Variants in DLG2 observed in about 807,000 individuals in gnomAD.
The protein encoded by DLG2 is discs large MAGUK scaffold protein 2.
A neutral mutation model predicts 132.5 loss-of-function variants in DLG2; 45 were observed. The observed-to-expected ratio is 0.34, with a 90% CI of 0.27 to 0.44. The LOEUF is 0.44. Among genes scored for constraint, DLG2 ranks in the 20% least tolerant of loss-of-function variants. DLG2 has a pLI of 1.00. For synonymous variants in DLG2, 424 were observed against 419.6 expected (o/e 1.01, Z -0.13); for missense variants, 1,045 against 1,196.9 (o/e 0.87, Z 1.87).
intron 6 of DLG2, among the ~76,000 whole-genome samples, chr11:84,966,022 T>C (rs1376059722): frequency 6.6e-6 from 1 of 152,060 alleles, no homozygotes; most frequent in Non-Finnish European, 1.5e-5. Flanking sequence ...AAGATTAGTT[T>C]GCTCATTCAA....
At chr11:85,595,064 CAAAAAAA>C (rs947518185) in intron 3 of DLG2, among the ~76,000 whole-genome samples, 19 of 58,236 alleles carry the variant, frequency 3.3e-4, no homozygotes, top group Non-Finnish European at 5.5e-4. Context: ...GACTCTGTCT[CAAAAAAA>C]AAAAAAAAAA....
At chr11:83,480,312 C>A in intron 22 of DLG2, 1 of 1,320,174 alleles carries the variant, frequency 7.6e-7, no homozygotes, top group Non-Finnish European at 1.1e-6. Context: ...TCTGAAATGA[C>A]CACCACAGGC....
At chr11:84,973,554 A>C (rs1383889361) in intron 6 of DLG2, among the ~76,000 whole-genome samples, 4 of 152,208 alleles carry the variant, frequency 2.6e-5, no homozygotes, top group African/African-American at 9.6e-5. Flanking sequence ...TTTAAAATTA[A>C]AGTGCATTAT....
chr11:84,169,792 G>C (rs2095774196), intron 8 of DLG2, among the ~76,000 whole-genome samples: 1 of 151,790 alleles, frequency 6.6e-6, no homozygotes, highest in African/African-American at 2.4e-5. Flanking sequence ...AGAATCGCTT[G>C]AAGCAGGGAG....
chr11:84,190,483 T>C (rs1361932577), intron 8 of DLG2, among the ~76,000 whole-genome samples: 1 of 152,184 alleles, frequency 6.6e-6, no homozygotes, highest in Non-Finnish European at 1.5e-5. Flanking sequence ...ATGCCATGTG[T>C]TGAAAAGTCA....
chr11:85,095,185 C>T (rs2069517152), intron 6 of DLG2, among the ~76,000 whole-genome samples: 1 of 152,028 alleles, frequency 6.6e-6, no homozygotes, highest in South Asian at 2.1e-4. Context: ...ATCACCGTAA[C>T]AGATATAATA....
intron 7 of DLG2, among the ~76,000 whole-genome samples, chr11:84,459,593 C>T (rs969193006): frequency 6.7e-6 from 1 of 150,254 alleles, no homozygotes. Flanking sequence ...TGGGCTGCCC[C>T]ATAATTTTGC....
intron 6 of DLG2, among the ~76,000 whole-genome samples, chr11:84,712,766 G>A (rs1016460175): frequency 6.6e-6 from 1 of 152,096 alleles, no homozygotes; most frequent in African/African-American, 2.4e-5. Flanking sequence ...AGTCCTGAAA[G>A]GAGGGTGTTA....
At chr11:83,553,501 TGTG>T (rs987624653) in intron 19 of DLG2, among the ~76,000 whole-genome samples, 1 of 149,246 alleles carries the variant, frequency 6.7e-6, no homozygotes, top group African/African-American at 2.5e-5. Flanking sequence ...TGTGTGTGTG[TGTG>T]TGTGTGTGTG....
chr11:84,036,786 T>G (rs2095874511), intron 11 of DLG2, among the ~76,000 whole-genome samples: 1 of 152,156 alleles, frequency 6.6e-6, no homozygotes, highest in Non-Finnish European at 1.5e-5. Flanking sequence ...GATTCCTCAC[T>G]GAGTGGGTCA....
Position 85,454,192 on chromosome 11 carries a change from A to G in DLG2, c.40+144465T>C, listed in dbSNP as rs2092344660. Among the ~76,000 whole-genome samples, 3 of 149,200 alleles carry G rather than the reference A, an allele frequency of 2.0e-5. No homozygotes were observed. The Admixed American group carries it at 2.0e-4, about 10-fold the overall frequency. ...GTATAAGCATTCCCCTTTCTCCTCAACCTCACCATCATCTGTTACTTTTTG... is the reference window on the plus strand; with the variant it reads ...GTATAAGCATTCCCCTTTCTCCTCAGCCTCACCATCATCTGTTACTTTTTG... On this transcript the variant is annotated intron_variant, in intron 3 of 27. Transcript: ENST00000376104.
intron 5 of DLG2, among the ~76,000 whole-genome samples, chr11:85,139,431 C>T (rs2076322173): frequency 1.3e-5 from 2 of 152,030 alleles, no homozygotes; most frequent in Non-Finnish European, 2.9e-5. Flanking sequence ...ATCTGATTTA[C>T]ACTAACAATA....
intron 6 of DLG2, among the ~76,000 whole-genome samples, chr11:85,052,843 A>T (rs1299573341): frequency 1.3e-5 from 2 of 152,146 alleles, no homozygotes; most frequent in Non-Finnish European, 2.9e-5. Flanking sequence ...CTGGCAGGAA[A>T]ATGGAAATTC....
chr11:85,371,710 G>T (rs2084992643), intron 3 of DLG2, among the ~76,000 whole-genome samples: 1 of 152,142 alleles, frequency 6.6e-6, no homozygotes. Context: ...ACAGGGATAG[G>T]AGCTCCAAGT....
At chr11:85,092,332 C>A (rs906975223) in intron 6 of DLG2, among the ~76,000 whole-genome samples, 1 of 151,972 alleles carries the variant, frequency 6.6e-6, no homozygotes, top group African/African-American at 2.4e-5. Context: ...TGTTATAATC[C>A]CAAAAGATAA....
At chr11:85,427,732 A>C (rs752580664) in intron 3 of DLG2, among the ~76,000 whole-genome samples, 5 of 151,610 alleles carry the variant, frequency 3.3e-5, no homozygotes, top group Non-Finnish European at 7.4e-5. Context: ...TGAGCAAAAT[A>C]ACCAGCTGAC....
At position 83,459,552 on chromosome 11, in the gene DLG2, G is replaced by C. The variant is rs1380555655; in HGVS notation, c.*266C>G. Reference sequence around the variant, plus strand: ...AGGCTCTCATCTCATCTCTTGGGCAGAAAGCCCGTCAGAGGTTCATCCCTA... The same window carrying C: ...AGGCTCTCATCTCATCTCTTGGGCACAAAGCCCGTCAGAGGTTCATCCCTA... On this transcript the variant is annotated 3_prime_UTR_variant, in exon 28 of 28. Coordinates refer to ENST00000376104, the MANE Select transcript of DLG2 (RefSeq NM_001142699.3). 1.1e-5 allele frequency: 3 copies of C among 281,514 alleles called. No individual in the cohort carries two copies. The highest frequency in any genetic ancestry group is 1.3e-5 in the Non-Finnish European group (2 of 148,344). The allele number at this position is 281,514 out of a possible 1,614,324, so 17.4% of individuals were successfully genotyped here.
At chr11:85,288,502 T>C (rs1024134805) in intron 3 of DLG2, among the ~76,000 whole-genome samples, 9 of 151,820 alleles carry the variant, frequency 5.9e-5, no homozygotes, top group African/African-American at 2.2e-4. Context: ...CACGTATTAA[T>C]GGAGAGAAAA....
chr11:85,547,764 G>A (rs572293409), intron 3 of DLG2, among the ~76,000 whole-genome samples: 66 of 151,610 alleles, frequency 4.4e-4, no homozygotes, highest in African/African-American at 1.5e-3. Context: ...CCTTTCTTCC[G>A]CTTGATCAAT....
Sources: gnomAD v4.1 joint callset for allele counts (sites outside exome capture counted in the v4.1 genomes callset) on GRCh38, gnomAD v4.1.1 for gene constraint, MANE v1.5 for transcripts, NCBI Gene and HGNC (gene_info 2026-07-23, HGNC 2026-07-21) for gene names.